The following NHEJ1 variants were observed in gnomAD, a reference collection of about 807,000 sequenced individuals.
The protein encoded by NHEJ1 is non-homologous end-joining factor 1.
NHEJ1 carries 22 observed loss-of-function variants against 39.4 expected under a neutral mutation model. That is an observed-to-expected ratio of 0.56 (90% CI 0.40 to 0.80). The LOEUF is 0.80. NHEJ1 is among the 30% of genes least tolerant of loss of function. The probability of loss-of-function intolerance (pLI) is 0.00; values close to 1 mark genes in which losing one functional copy is unlikely to be tolerated. For synonymous variants in NHEJ1, 154 were observed against 135.6 expected (o/e 1.14, Z -0.94); for missense variants, 329 against 357.1 (o/e 0.92, Z 0.63).
intron 5 of NHEJ1, among the ~76,000 whole-genome samples, chr2:219,139,740 G>A (rs992557469): frequency 6.6e-5 from 10 of 151,994 alleles, no homozygotes; most frequent in Non-Finnish European, 1.3e-4. Flanking sequence ...GCAGTGGCAC[G>A]ATCTCGGCTC....
At chr2:219,083,700 T>C (rs1237667806) in intron 5 of NHEJ1, among the ~76,000 whole-genome samples, 1 of 152,204 alleles carries the variant, frequency 6.6e-6, no homozygotes, top group Non-Finnish European at 1.5e-5. Flanking sequence ...AAGGATTAAA[T>C]GAGAGAATCG....
intron 3 of NHEJ1, among the ~76,000 whole-genome samples, chr2:219,150,728 A>C (rs1303527499): frequency 6.6e-6 from 1 of 152,010 alleles, no homozygotes; most frequent in Non-Finnish European, 1.5e-5. Context: ...GGCCGAGGCA[A>C]GTGGATCACC....
In NHEJ1 at chr2:219,137,595, A is replaced by AAAAAAAAAAAAAAAAAAAAC. The variant is rs143557047; in HGVS notation, c.588+9084_588+9085insGTTTTTTTTTTTTTTTTTTT. On this transcript the variant is annotated intron_variant, in intron 5 of 7. Coordinates refer to ENST00000356853, the MANE Select transcript of NHEJ1 (RefSeq NM_024782.3). ...CAAAAAAAAAAAAAAAAAAAAAACA[A>AAAAAAAAAAAAAAAAAAAAC]AAAAAACTGAAAACCACCTTCAGAA... Among the ~76,000 whole-genome samples the AAAAAAAAAAAAAAAAAAAAC allele has an allele frequency of 1.8e-4, 15 of 82,660 alleles. 1 individual carries two copies. The highest frequency in any genetic ancestry group is 2.7e-4 in the Non-Finnish European group (9 of 32,972). 54.2% of individuals were successfully genotyped at this position (82,660 alleles called of 152,430 possible).
intron 5 of NHEJ1, among the ~76,000 whole-genome samples, chr2:219,126,552 A>G (rs1949524830): frequency 6.6e-6 from 1 of 152,240 alleles, no homozygotes; most frequent in African/African-American, 2.4e-5. Context: ...AAAAGGCAAA[A>G]GTTCTCTGCA....
At chr2:219,092,502 G>A (rs1461219803) in intron 5 of NHEJ1, among the ~76,000 whole-genome samples, 7 of 152,154 alleles carry the variant, frequency 4.6e-5, no homozygotes, top group African/African-American at 1.7e-4. Context: ...AGTATAAAAT[G>A]ATACGAAAGT....
At chr2:219,094,273 G>A (rs1157922690) in intron 5 of NHEJ1, among the ~76,000 whole-genome samples, 1 of 152,114 alleles carries the variant, frequency 6.6e-6, no homozygotes, top group Admixed American at 6.5e-5. Flanking sequence ...AGAAAAAGAT[G>A]GAGGGTAGGG....
intron 5 of NHEJ1, among the ~76,000 whole-genome samples, chr2:219,110,500 G>A: frequency 6.6e-6 from 1 of 150,974 alleles, no homozygotes. Context: ...TCCAGTCTGG[G>A]CAACAGAGTG....
intron 5 of NHEJ1, among the ~76,000 whole-genome samples, chr2:219,105,140 T>C (rs1425139209): frequency 6.6e-6 from 1 of 152,200 alleles, no homozygotes; most frequent in African/African-American, 2.4e-5. Flanking sequence ...AGTAGATTAC[T>C]AATTTTCAAA....
chr2:219,154,281 T>A (rs1261531753), intron 3 of NHEJ1, among the ~76,000 whole-genome samples: 1 of 152,138 alleles, frequency 6.6e-6, no homozygotes, highest in Non-Finnish European at 1.5e-5. Context: ...CACATATACA[T>A]AGATATATAT....
At position 219,078,137 on chromosome 2, in the gene NHEJ1, C is replaced by T. The variant is rs747237935; in HGVS notation, c.658G>A (p.Ala220Thr). Residue 220 changes from alanine (A) to threonine (T), a missense_variant, in exon 6 of 8, where the codon GCA (alanine) becomes ACA (threonine). Ala to Thr is a moderately conservative substitution (Grantham distance 58). Transcript: ENST00000356853. ...FVMNLQDLYM[A>T]VTTQEVQVGQ... ...ACTTGGACCTCTTGTGTGGTGACTG[C>T]CATATACAGATCCTGCAGATTCATG... 1.9e-5 allele frequency: 31 copies of T among 1,614,164 alleles called. No individual in the cohort carries two copies. The highest frequency in any genetic ancestry group is 2.5e-5 in the Non-Finnish European group (30 of 1,180,028).
At chr2:219,132,104 C>T (rs905485064) in intron 5 of NHEJ1, among the ~76,000 whole-genome samples, 4 of 152,204 alleles carry the variant, frequency 2.6e-5, no homozygotes, top group African/African-American at 9.7e-5. Context: ...TTCAAAATTC[C>T]GTGGCTCTAA....
chr2:219,095,343 G>C (rs1228828917), intron 5 of NHEJ1: 1 of 470,998 alleles, frequency 2.1e-6, no homozygotes, highest in South Asian at 1.5e-5. Flanking sequence ...GTTTTGATGG[G>C]TATATCTTTT....
chr2:219,139,284 C>T (rs965294534), intron 5 of NHEJ1, among the ~76,000 whole-genome samples: 1 of 152,122 alleles, frequency 6.6e-6, no homozygotes, highest in Non-Finnish European at 1.5e-5. Context: ...GACGAAGTTT[C>T]ACCATGTTGG....
chr2:219,120,454 A>C (rs189008967), intron 5 of NHEJ1, among the ~76,000 whole-genome samples: 1 of 152,354 alleles, frequency 6.6e-6, no homozygotes, highest in Admixed American at 6.5e-5. Context: ...ATATAAGAAG[A>C]AGGAATCAGA....
In NHEJ1 at chr2:219,076,465, A is replaced by C. The variant is rs749259694; in HGVS notation, c.826-10T>G. On this transcript the variant is annotated splice_polypyrimidine_tract_variant and intron_variant, in intron 7 of 7. Transcript: ENST00000356853. Reference sequence around the variant, plus strand: ...GAGGGCCTGAAGTACCCTAGAAAAAAGGGAACCCAAGTTAGTAGGGGTTTT... The same window carrying C: ...GAGGGCCTGAAGTACCCTAGAAAAACGGGAACCCAAGTTAGTAGGGGTTTT... The C allele has an allele frequency of 1.2e-6, 2 of 1,613,548 alleles. No homozygotes were observed. Among genetic ancestry groups the C allele is most frequent in the South Asian group, 2.2e-5 (2 of 91,032 alleles).
chr2:219,137,052 T>C (rs1346179700), intron 5 of NHEJ1, among the ~76,000 whole-genome samples: 1 of 146,354 alleles, frequency 6.8e-6, no homozygotes, highest in Non-Finnish European at 1.5e-5. Context: ...AAGAAAGAGG[T>C]CTTTTTAGCT....
chr2:219,075,832 G>T lies in NHEJ1; in HGVS notation c.*549C>A, dbSNP rs1949007741. 6.5e-6 allele frequency: 1 copy of T among 154,734 alleles called. No individual in the cohort carries two copies. The highest frequency in any genetic ancestry group is 1.4e-5 in the Non-Finnish European group (1 of 69,762). The allele number at this position is 154,734 out of a possible 1,614,324, so 9.6% of individuals were successfully genotyped here. ...GTTTCCAAATGGAGACTTAGCTCTG[G>T]CAACTGCAGAAAAGTTTACGAAGAA... On this transcript the variant is annotated 3_prime_UTR_variant, in exon 8 of 8. Coordinates refer to ENST00000356853, the MANE Select transcript of NHEJ1 (RefSeq NM_024782.3).
intron 5 of NHEJ1, among the ~76,000 whole-genome samples, chr2:219,135,213 G>T (rs780490269): frequency 1.3e-5 from 2 of 152,260 alleles, no homozygotes; most frequent in African/African-American, 4.8e-5. Context: ...TCTACTAGGG[G>T]AAAGAGGAGG....
At chr2:219,115,436 G>A (rs1179121796) in intron 5 of NHEJ1, among the ~76,000 whole-genome samples, 1 of 152,188 alleles carries the variant, frequency 6.6e-6, no homozygotes, top group Non-Finnish European at 1.5e-5. Flanking sequence ...AGACGGTAGA[G>A]GGGAAGGGAG....
Sources: gnomAD v4.1 joint callset for allele counts (sites outside exome capture counted in the v4.1 genomes callset) on GRCh38, gnomAD v4.1.1 for gene constraint, MANE v1.5 for transcripts, NCBI Gene and HGNC (gene_info 2026-07-23, HGNC 2026-07-21) for gene names.